Variants in PLXNA2 observed in about 807,000 individuals in gnomAD.
PLXNA2 encodes plexin-A2.
A neutral mutation model predicts 193.5 loss-of-function variants in PLXNA2; 91 were observed. The observed-to-expected ratio is 0.47, with a 90% confidence interval of 0.40 to 0.56. The LOEUF (loss-of-function observed/expected upper bound fraction) is 0.56, where lower values mean the gene tolerates loss of function less well. Ranked by LOEUF, PLXNA2 falls within the 20% of genes least tolerant of loss-of-function variation. The pLI is 0.00. For synonymous variants in PLXNA2, 997 were observed against 1,027.3 expected (o/e 0.97, Z 0.56); for missense variants, 1,995 against 2,503.2 (o/e 0.80, Z 4.33).
intron 1 of PLXNA2, among the ~76,000 whole-genome samples, chr1:208,218,685 A>G (rs1001804473): frequency 3.3e-5 from 5 of 152,214 alleles, no homozygotes; most frequent in Admixed American, 2.0e-4. Context: ...TAGGAAAGGG[A>G]AAAATGTTGT....
At position 208,044,444 on chromosome 1, in the gene PLXNA2, G is replaced by A. The variant is rs555898978; in HGVS notation, c.3874+64C>T. The A allele has an allele frequency of 4.8e-4, 550 of 1,138,910 alleles. 3 individuals are homozygous for A. The highest frequency in any genetic ancestry group is 4.7e-3 in the Middle Eastern group (20 of 4,218). 70.6% of individuals were successfully genotyped at this position (1,138,910 alleles called of 1,614,324 possible). On this transcript the variant is annotated intron_variant, in intron 20 of 31. Coordinates refer to ENST00000367033, the MANE Select transcript of PLXNA2 (RefSeq NM_025179.4). This position sits in a 1 kb window ranked among gnomAD's most constrained non-coding sequence, Gnocchi z 4.9. ...AGTAAAGATAGGAGTTGTCTGCAGGGAGAAGGGCAATAAGGCAGGTGGAGA... is the reference window on the plus strand; with the variant it reads ...AGTAAAGATAGGAGTTGTCTGCAGGAAGAAGGGCAATAAGGCAGGTGGAGA...
At chr1:208,140,637 T>C (rs956140491) in intron 4 of PLXNA2, among the ~76,000 whole-genome samples, 2 of 152,236 alleles carry the variant, frequency 1.3e-5, no homozygotes, top group African/African-American at 4.8e-5. Flanking sequence ...GCTCATCAAA[T>C]GTTAACATGG....
intron 11 of PLXNA2, among the ~76,000 whole-genome samples, chr1:208,079,790 T>G (rs566517090): frequency 8.8e-6 from 1 of 113,164 alleles, no homozygotes; most frequent in Non-Finnish European, 2.1e-5. Flanking sequence ...ATAATCGTTG[T>G]TTTTTTTTGT....
In PLXNA2 at chr1:208,144,513, CA is replaced by C. The variant is rs575257752; in HGVS notation, c.1372-2051del. 3.9e-5 allele frequency among the ~76,000 whole-genome samples: 6 copies of C among 152,248 alleles called. No individual in the cohort carries two copies. The East Asian group carries it at 1.2e-3, about 29-fold the overall frequency. ...GCCCGGGGGTCCCCGGTGGTAGAAACAGCAGATTCTTGCCTGAGGCCCTTGT... is the reference window on the plus strand; with the variant it reads ...GCCCGGGGGTCCCCGGTGGTAGAAACGCAGATTCTTGCCTGAGGCCCTTGT... On this transcript the variant is annotated intron_variant, in intron 3 of 31. Transcript: ENST00000367033.
chr1:208,113,697 G>A (rs1232020470), intron 4 of PLXNA2, among the ~76,000 whole-genome samples: 1 of 151,960 alleles, frequency 6.6e-6, no homozygotes, highest in Non-Finnish European at 1.5e-5. Context: ...CTAGAGGCAT[G>A]TCATGTGCCA....
rs1664338614 is a variant in PLXNA2, at chr1:208,026,219, T to C, written c.*1024A>G. 6.6e-6 allele frequency: 1 copy of C among 152,354 alleles called. No homozygotes were observed. The highest frequency in any genetic ancestry group is 6.5e-5 in the Admixed American group (1 of 15,280). 9.4% of individuals were successfully genotyped at this position (152,354 alleles called of 1,614,324 possible). On this transcript the variant is annotated 3_prime_UTR_variant, in exon 32 of 32. Coordinates refer to ENST00000367033, the MANE Select transcript of PLXNA2 (RefSeq NM_025179.4). ...CCTGGCCCACACACCTCCAGGCCGTTTCCCCAGGGTGCCTGGTTTATGACA... is the reference window on the plus strand; with the variant it reads ...CCTGGCCCACACACCTCCAGGCCGTCTCCCCAGGGTGCCTGGTTTATGACA...
At chr1:208,224,240 G>A (rs541740886) in intron 1 of PLXNA2, among the ~76,000 whole-genome samples, 15 of 151,786 alleles carry the variant, frequency 9.9e-5, no homozygotes, top group African/African-American at 3.6e-4. Context: ...TAGAGTGAAG[G>A]AATAATCATG....
chr1:208,039,903 G>A, intron 23 of PLXNA2, 89 bp downstream of exon 23: 1 of 1,578,170 alleles, frequency 6.3e-7, no homozygotes, highest in Non-Finnish European at 8.7e-7. Context: ...TCCCGAGGGA[G>A]GGGGTCCCCA....
At chr1:208,167,714 G>T (rs1281870097) in intron 3 of PLXNA2, among the ~76,000 whole-genome samples, 3 of 152,252 alleles carry the variant, frequency 2.0e-5, no homozygotes, top group African/African-American at 7.2e-5. Context: ...ACGGGAGTGA[G>T]CAGCAGCAGC....
At chr1:208,108,862 G>T (rs1357366396) in intron 4 of PLXNA2, among the ~76,000 whole-genome samples, 2 of 152,154 alleles carry the variant, frequency 1.3e-5, no homozygotes, top group African/African-American at 4.8e-5. Flanking sequence ...TCACCTCAGG[G>T]GGCTCTGGCA....
intron 1 of PLXNA2, among the ~76,000 whole-genome samples, chr1:208,222,522 C>T (rs1335621056): frequency 1.3e-5 from 2 of 152,154 alleles, no homozygotes; most frequent in African/African-American, 4.8e-5. Context: ...GTGGAGGGCC[C>T]GATGACACCA....
chr1:208,130,957 AT>A (rs1213039242), intron 4 of PLXNA2, among the ~76,000 whole-genome samples: 2 of 152,230 alleles, frequency 1.3e-5, no homozygotes, highest in Non-Finnish European at 2.9e-5. Context: ...CACTAAAGAA[AT>A]CAAAAAGTGG....
intron 8 of PLXNA2, among the ~76,000 whole-genome samples, chr1:208,093,845 G>T (rs1003916425): frequency 6.6e-6 from 1 of 152,176 alleles, no homozygotes; most frequent in Non-Finnish European, 1.5e-5. Flanking sequence ...GGTTTTGTAG[G>T]GGGGATTAGT....
chr1:208,050,880 A>C (rs899819857), intron 17 of PLXNA2, 129 bp downstream of exon 17: 2 of 678,730 alleles, frequency 2.9e-6, no homozygotes, highest in Admixed American at 2.7e-5. Flanking sequence ...TTCCAGGCTC[A>C]GAGTCTTAAG....
Position 208,023,435 on chromosome 1 carries a change from T to A in PLXNA2, c.*3808A>T, listed in dbSNP as rs2102352249. The A allele has an allele frequency of 6.5e-6, 1 of 152,864 alleles. No individual in the cohort carries two copies. The highest frequency in any genetic ancestry group is 2.1e-4 in the South Asian group (1 of 4,824). 9.5% of individuals were successfully genotyped at this position (152,864 alleles called of 1,614,324 possible). A position where few individuals can be genotyped will look rare whatever the true frequency, so the allele number is the denominator to read the frequency against. ...CAGGCCATTCTTCGTCCAGCACTCA[T>A]CCATTGCTTCTGTTTCACGCTCAGC... On this transcript the variant is annotated 3_prime_UTR_variant, in exon 32 of 32. Coordinates refer to ENST00000367033, the MANE Select transcript of PLXNA2 (RefSeq NM_025179.4).
intron 3 of PLXNA2, among the ~76,000 whole-genome samples, chr1:208,173,788 G>C (rs1185084020): frequency 6.6e-6 from 1 of 152,214 alleles, no homozygotes; most frequent in African/African-American, 2.4e-5. Context: ...CCAAGAAGGA[G>C]GAGAACTAAA....
At chr1:208,033,173 G>A in intron 28 of PLXNA2, 146 bp downstream of exon 28, 1 of 730,884 alleles carries the variant, frequency 1.4e-6, no homozygotes, top group Admixed American at 2.5e-5. Context: ...TGGGATTATG[G>A]GCATGAGCCA....
chr1:208,187,929 C>T (rs866694972), intron 3 of PLXNA2, among the ~76,000 whole-genome samples: 7 of 152,168 alleles, frequency 4.6e-5, no homozygotes, highest in Admixed American at 3.3e-4. Flanking sequence ...GAAGGAGGAA[C>T]TGAAATGATC....
Position 208,022,358 on chromosome 1 carries a change from CAATAATATATTAG to C in PLXNA2, c.*4872_*4884del, listed in dbSNP as rs1664208005. On this transcript the variant is annotated 3_prime_UTR_variant, in exon 32 of 32. Transcript: ENST00000367033. ...GTGTTTCATATTTACAATAGGTACA[CAATAATATATTAG>C]AATAACAAAAAACCCCACTTTATTG... 1 of 152,142 alleles carries C rather than the reference CAATAATATATTAG, an allele frequency of 6.6e-6. No homozygotes were observed. Among genetic ancestry groups the C allele is most frequent in the Non-Finnish European group, 1.5e-5 (1 of 67,950 alleles). 9.4% of individuals were successfully genotyped at this position (152,142 alleles called of 1,614,324 possible).
Sources: gnomAD v4.1 joint callset for allele counts (sites outside exome capture counted in the v4.1 genomes callset) on GRCh38, gnomAD v4.1.1 for gene constraint, Gnocchi (gnomAD v3.1) non-coding constraint, MANE v1.5 for transcripts, NCBI Gene and HGNC (gene_info 2026-07-23, HGNC 2026-07-21) for gene names.